The following SUMF1 variants were observed in gnomAD, a reference collection of about 807,000 sequenced individuals.
SUMF1 encodes sulfatase modifying factor 1, also known as formylglycine-generating enzyme.
Under a neutral mutation model 47.6 loss-of-function variants are expected in SUMF1, and 48 were observed. The ratio of observed to expected loss-of-function variants is 1.01; its 90% CI spans 0.80 to 1.28. The LOEUF is 1.28. Among genes scored for constraint, SUMF1 ranks in the 50% most tolerant of loss-of-function variants. SUMF1 has a pLI of 0.00. For missense variants in SUMF1, 571 were observed against 485.4 expected (o/e 1.18, Z -1.66); for synonymous variants, 230 against 192.1 (o/e 1.20, Z -1.63).
chr3:4,096,229 C>T (rs1692900773), intron 8 of SUMF1, among the ~76,000 whole-genome samples: 1 of 152,122 alleles, frequency 6.6e-6, no homozygotes, highest in African/African-American at 2.4e-5. Context: ...ATCACCAACT[C>T]AGTCGGTCAT....
At chr3:4,195,490 A>G (rs1378966311) in intron 8 of SUMF1, among the ~76,000 whole-genome samples, 1 of 152,118 alleles carries the variant, frequency 6.6e-6, no homozygotes, top group Non-Finnish European at 1.5e-5. Flanking sequence ...TGTCCTAAAA[A>G]ATCCAGACTT....
intron 8 of SUMF1, among the ~76,000 whole-genome samples, chr3:4,171,714 T>C (rs1356939155): frequency 6.6e-6 from 1 of 152,096 alleles, no homozygotes; most frequent in Non-Finnish European, 1.5e-5. Flanking sequence ...ATGTTCCAGA[T>C]AAATGGGCTT....
chr3:4,064,373 CG>C (rs775396512), intron 9 of SUMF1, among the ~76,000 whole-genome samples: 19 of 151,942 alleles, frequency 1.3e-4, no homozygotes, highest in African/African-American at 4.1e-4. Context: ...TGGAAACATC[CG>C]GAAGTTACCA....
chr3:4,039,208 AATTTT>A (rs1218677073), intron 9 of SUMF1, among the ~76,000 whole-genome samples: 4 of 46,186 alleles, frequency 8.7e-5, no homozygotes, highest in Non-Finnish European at 1.3e-4. Flanking sequence ...CATCTATGCA[AATTTT>A]TTTTTTTTTT....
intron 8 of SUMF1, among the ~76,000 whole-genome samples, chr3:4,114,109 T>G (rs374948057): frequency 6.6e-6 from 1 of 152,120 alleles, no homozygotes; most frequent in Non-Finnish European, 1.5e-5. Flanking sequence ...CACACTTAAA[T>G]TGAGGAACCA....
chr3:4,336,386 G>C (rs540801684), intron 8 of SUMF1, among the ~76,000 whole-genome samples: 1 of 152,092 alleles, frequency 6.6e-6, no homozygotes, highest in Non-Finnish European at 1.5e-5. Flanking sequence ...GTATTGTCTC[G>C]TGCTCAGTAA....
At chr3:4,445,845 T>A (rs1702762941) in intron 3 of SUMF1, among the ~76,000 whole-genome samples, 1 of 152,226 alleles carries the variant, frequency 6.6e-6, no homozygotes, top group South Asian at 2.1e-4. Context: ...GTACTATAGT[T>A]ATATAAGATG....
Position 4,102,858 on chromosome 3 carries a change from G to T in SUMF1, c.1015-34113C>A, listed in dbSNP as rs139457374. ...ATAAGGAAGGGAAGAGGAAAGACAG[G>T]GAGAAGAAGAGAGAGGAAAGGAGAA... is the stretch of plus-strand genomic sequence containing the variant. On this transcript the variant is annotated intron_variant and NMD_transcript_variant, in intron 8 of 12. Coordinates refer to the SUMF1 transcript ENST00000448413. Among the ~76,000 whole-genome samples the T allele has an allele frequency of 7.3e-3, 1,101 of 151,696 alleles. 8 individuals carry two copies. The highest frequency in any genetic ancestry group is 0.014 in the Middle Eastern group (4 of 294).
downstream of SUMF1, among the ~76,000 whole-genome samples, chr3:4,360,205 C>CTTTTTTT (rs57690047): frequency 7.1e-4 from 74 of 104,084 alleles, 3 homozygotes; most frequent in East Asian, 2.0e-3. Context: ...AATGTTTGTT[C>CTTTTTTT]TTTTTTTTTT....
chr3:4,091,096 C>CAA (rs796472100), intron 8 of SUMF1, among the ~76,000 whole-genome samples: 89 of 137,086 alleles, frequency 6.5e-4, no homozygotes, highest in African/African-American at 6.5e-4. Flanking sequence ...ACAACAACAA[C>CAA]AAAAAAAAAA....
At chr3:4,418,219 C>G in intron 4 of SUMF1, 87 bp from the exon 5 acceptor site, 2 of 1,583,236 alleles carry the variant, frequency 1.3e-6, no homozygotes, top group Non-Finnish European at 8.6e-7. Context: ...CATAATCCCC[C>G]TCAGTTCAAT....
At chr3:4,294,291 G>A (rs868383658) in intron 8 of SUMF1, among the ~76,000 whole-genome samples, 5 of 152,070 alleles carry the variant, frequency 3.3e-5, no homozygotes, top group East Asian at 1.9e-4. Context: ...GTAGTTACAC[G>A]TGGCCACGTC....
chr3:4,165,826 GA>G (rs370990614), intron 8 of SUMF1, among the ~76,000 whole-genome samples: 5 of 143,916 alleles, frequency 3.5e-5, no homozygotes, highest in Admixed American at 1.4e-4. Flanking sequence ...TTTCCCAGCT[GA>G]AAAAAAAAAT....
intron 8 of SUMF1, among the ~76,000 whole-genome samples, chr3:4,104,666 T>TTCTCTC (rs111963235): frequency 0.044 from 6,479 of 146,790 alleles, 443 homozygotes; most frequent in African/African-American, 0.15. Flanking sequence ...AAATCTCGAT[T>TTCTCTC]TCTCTCTCTC....
At chr3:4,222,665 G>C (rs955915365) in intron 8 of SUMF1, among the ~76,000 whole-genome samples, 2 of 152,084 alleles carry the variant, frequency 1.3e-5, no homozygotes, top group Non-Finnish European at 2.9e-5. Flanking sequence ...TTTCTAAACT[G>C]AGAGTTTTTC....
intron 8 of SUMF1, among the ~76,000 whole-genome samples, chr3:4,251,767 C>T (rs907573305): frequency 5.3e-4 from 80 of 152,130 alleles, no homozygotes; most frequent in Admixed American, 2.1e-3. Context: ...TTAGTGTAAC[C>T]ACCTTCATCA....
intron 9 of SUMF1, among the ~76,000 whole-genome samples, chr3:4,055,189 AATG>A (rs1175825439): frequency 6.6e-6 from 1 of 152,192 alleles, no homozygotes; most frequent in African/African-American, 2.4e-5. Flanking sequence ...CTATGGTACA[AATG>A]ATGATATGGC....
chr3:4,126,127 TTC>T (rs1693650499), intron 8 of SUMF1, among the ~76,000 whole-genome samples: 1 of 151,838 alleles, frequency 6.6e-6, no homozygotes. Context: ...GATGCTTCTT[TTC>T]TGTTTTGTGT....
chr3:4,092,053 T>C (rs1386577454), intron 8 of SUMF1, among the ~76,000 whole-genome samples: 1 of 152,036 alleles, frequency 6.6e-6, no homozygotes, highest in Non-Finnish European at 1.5e-5. Context: ...CCTTGCTGGG[T>C]ATCCTGGCCA....
Sources: allele counts gnomAD v4.1 joint callset (sites outside exome capture counted in the v4.1 genomes callset), GRCh38; gene constraint gnomAD v4.1.1; transcripts MANE v1.5; gene names NCBI Gene and HGNC (gene_info 2026-07-23, HGNC 2026-07-21).